SGCE: variants seen among roughly 807,000 people sequenced by gnomAD.
SGCE encodes sarcoglycan epsilon, also known as epsilon-sarcoglycan.
A neutral mutation model predicts 57.8 loss-of-function variants in SGCE; 26 were observed. The ratio of observed to expected loss-of-function variants is 0.45; its 90% confidence interval spans 0.33 to 0.62. SGCE has a LOEUF of 0.62. SGCE is among the 20% of genes least tolerant of loss of function. The pLI is 0.02. For synonymous variants in SGCE, 183 were observed against 189.5 expected (o/e 0.97, Z 0.28); for missense variants, 468 against 548.6 (o/e 0.85, Z 1.47).
intron 9 of SGCE, among the ~76,000 whole-genome samples, chr7:94,592,614 C>G (rs1355114464): frequency 6.6e-6 from 1 of 152,090 alleles, no homozygotes; most frequent in Non-Finnish European, 1.5e-5. Flanking sequence ...ATTGCACAAA[C>G]TTCATTCTTT....
chr7:94,590,271 T>C (rs1456248069), intron 9 of SGCE, among the ~76,000 whole-genome samples: 1 of 152,184 alleles, frequency 6.6e-6, no homozygotes, highest in Non-Finnish European at 1.5e-5. Flanking sequence ...TAACATATTA[T>C]TTTTAATTAA....
At chr7:94,591,595 A>G (rs188460548) in intron 9 of SGCE, among the ~76,000 whole-genome samples, 4 of 151,522 alleles carry the variant, frequency 2.6e-5, no homozygotes, top group African/African-American at 9.6e-5. Context: ...CAAATTCAAA[A>G]TCAGCATTTG....
At chr7:94,648,234 G>T (rs1476257907) in intron 1 of SGCE, among the ~76,000 whole-genome samples, 2 of 151,826 alleles carry the variant, frequency 1.3e-5, no homozygotes, top group Non-Finnish European at 2.9e-5. Context: ...AATTAGCTGG[G>T]CCTGGTGGCG....
chr7:94,624,060 AAC>A (rs1323927300), intron 3 of SGCE: 1 of 395,022 alleles, frequency 2.5e-6, no homozygotes, highest in South Asian at 1.4e-4. Context: ...CAGTGCAAAC[AAC>A]ACACAAAGCA....
chr7:94,625,670 T>C (rs1425564881), intron 3 of SGCE: 1 of 152,140 alleles, frequency 6.6e-6, no homozygotes, highest in African/African-American at 2.4e-5. Context: ...TAGTACTTTT[T>C]TTTAATTGAA....
At chr7:94,619,633 G>A (rs929180480) in intron 4 of SGCE, 6 of 152,080 alleles carry the variant, frequency 3.9e-5, no homozygotes, top group Non-Finnish European at 7.4e-5. Flanking sequence ...GTTCTCTTAC[G>A]ATAAATAATA....
rs1166539871 is a variant in SGCE, at chr7:94,656,109, G to T, written c.-11C>A. ...CCGGGGCAATTGCATTCTTGGCCTG[G>T]CTAGGCCGTCCGTCCTCGATTCTCC... On this transcript the variant is annotated 5_prime_UTR_variant, in exon 1 of 11. Coordinates refer to ENST00000648936, the MANE Select transcript of SGCE (RefSeq NM_003919.3). 5.2e-6 allele frequency: 8 copies of T among 1,550,688 alleles called. No homozygotes were observed. Among genetic ancestry groups the T allele is most frequent in the East Asian group, 4.5e-5 (2 of 44,568 alleles).
Position 94,611,169 on chromosome 7 carries a change from T to C in SGCE, c.662+7589A>G, listed in dbSNP as rs112007861. 2.9e-3 allele frequency among the ~76,000 whole-genome samples: 442 copies of C among 152,158 alleles called. 6 individuals carry two copies. The highest frequency in any genetic ancestry group is 0.01 in the African/African-American group (418 of 41,516). On this transcript the variant is annotated intron_variant, in intron 5 of 10. Coordinates refer to ENST00000648936, the MANE Select transcript of SGCE (RefSeq NM_003919.3). ...GGGATATACTTCAGAAAAATGAAAATATATGTCTACACAAAGACTTGTACA... is the reference window on the plus strand; with the variant it reads ...GGGATATACTTCAGAAAAATGAAAACATATGTCTACACAAAGACTTGTACA...
chr7:94,600,410 A>G (rs780442884), intron 7 of SGCE: 18 of 470,002 alleles, frequency 3.8e-5, no homozygotes, highest in Non-Finnish European at 5.7e-5. Context: ...GCCAGTGTGA[A>G]TTTACATCTA....
intron 1 of SGCE, among the ~76,000 whole-genome samples, chr7:94,653,133 C>G (rs1281639150): frequency 2.0e-5 from 3 of 152,054 alleles, no homozygotes; most frequent in Non-Finnish European, 4.4e-5. Flanking sequence ...AACCCTAGAA[C>G]TTAAGCTAAA....
At chr7:94,651,045 G>C (rs1347550738) in intron 1 of SGCE, among the ~76,000 whole-genome samples, 1 of 152,106 alleles carries the variant, frequency 6.6e-6, no homozygotes, top group Non-Finnish European at 1.5e-5. Flanking sequence ...TAATTTTTGT[G>C]ACATATGGAC....
chr7:94,605,312 T>A (rs752717432), intron 5 of SGCE, among the ~76,000 whole-genome samples: 1 of 150,076 alleles, frequency 6.7e-6, no homozygotes, highest in Admixed American at 6.7e-5. Flanking sequence ...GAAAATGATA[T>A]AAGTCAGAAA....
chr7:94,629,847 A>G lies in SGCE; in HGVS notation c.110-6T>C. 2.5e-6 allele frequency: 4 copies of G among 1,610,364 alleles called. No homozygotes were observed. The South Asian group carries it at 4.4e-5, about 18-fold the overall frequency. ...CTTGGAGAAAATACTGTACACTGAA[A>G]ACAAAGAGGAAAGATAAGTGACAGA... On this transcript the variant is annotated splice_polypyrimidine_tract_variant and splice_region_variant and intron_variant, in intron 1 of 10. Transcript: ENST00000648936.
chr7:94,614,106 T>TAAAAAAAAAAAAAAAAA (rs1562832897), intron 5 of SGCE, among the ~76,000 whole-genome samples: 3 of 55,172 alleles, frequency 5.4e-5, no homozygotes, highest in African/African-American at 8.6e-5. Context: ...CAAATTGAAA[T>TAAAAAAAAAAAAAAAAA]CAAAAAAAAA....
intron 1 of SGCE, among the ~76,000 whole-genome samples, chr7:94,633,064 CA>C (rs1804965616): frequency 6.6e-6 from 1 of 152,000 alleles, no homozygotes; most frequent in South Asian, 2.1e-4. Flanking sequence ...CTGAAATATA[CA>C]TGTGTACAGT....
chr7:94,648,261 G>C (rs1271791533), intron 1 of SGCE, among the ~76,000 whole-genome samples: 3 of 151,196 alleles, frequency 2.0e-5, no homozygotes, highest in African/African-American at 7.3e-5. Flanking sequence ...TGTAATCCCA[G>C]CTATTTGGGA....
chr7:94,615,361 AATAAATAGATAGATAGATAGATAG>A (rs1270188228), intron 5 of SGCE, among the ~76,000 whole-genome samples: 4 of 132,158 alleles, frequency 3.0e-5, no homozygotes, highest in African/African-American at 1.2e-4. Flanking sequence ...TCTGTCTCAA[AATAAATAGATAGATAGATAGATAG>A]ATAGATAGAT....
intron 5 of SGCE, among the ~76,000 whole-genome samples, chr7:94,610,375 T>A (rs1157472070): frequency 6.6e-6 from 1 of 152,194 alleles, no homozygotes; most frequent in Admixed American, 6.5e-5. Context: ...TAGTGAGTTG[T>A]CAGTGTAGGT....
In SGCE at chr7:94,603,356, C is replaced by T; in HGVS notation, c.759G>A (p.Glu253=). ...ATTTTTTATCACATGTTATTACAGG[C>T]TCCATTTCTTGACTACATCTCAATT... is the stretch of plus-strand genomic sequence containing the variant. The part of the protein sequence containing the change: ...QNQLRCSQEM[E]PVITCDKKFR... Residue 253 remains glutamate, a synonymous_variant, in exon 6 of 11, where the codon GAG becomes GAA. Coordinates refer to ENST00000648936, the MANE Select transcript of SGCE (RefSeq NM_003919.3). 1 of 1,612,596 alleles carries T rather than the reference C, an allele frequency of 6.2e-7. No homozygotes were observed. The highest frequency in any genetic ancestry group is 2.2e-5 in the East Asian group (1 of 44,794).
Sources: gnomAD v4.1 joint callset for allele counts (sites outside exome capture counted in the v4.1 genomes callset) on GRCh38, gnomAD v4.1.1 for gene constraint, MANE v1.5 for transcripts, NCBI Gene and HGNC (gene_info 2026-07-23, HGNC 2026-07-21) for gene names.